CFTR: variants seen among roughly 807,000 people sequenced by gnomAD.
The protein encoded by CFTR is CF transmembrane conductance regulator.
Under a neutral mutation model 171.6 loss-of-function variants are expected in CFTR, and 181 were observed. The observed-to-expected ratio is 1.05, with a 90% CI of 0.93 to 1.19. The LOEUF (loss-of-function observed/expected upper bound fraction) is 1.19. Ranked by LOEUF, CFTR falls within the 50% of genes most tolerant of loss-of-function variation. The probability of loss-of-function intolerance (pLI) is 0.00; values close to 1 mark genes in which losing one functional copy is unlikely to be tolerated. For synonymous variants in CFTR, 583 were observed against 608.0 expected (o/e 0.96, Z 0.60); for missense variants, 1,968 against 1,734.7 (o/e 1.13, Z -2.39).
At chr7:117,614,516 T>G in intron 20 of CFTR, 97 bp from the exon 21 acceptor site, 1 of 808,168 alleles carries the variant, frequency 1.2e-6, no homozygotes, top group Non-Finnish European at 2.2e-6. Flanking sequence ...GAAATGTAAA[T>G]TTAATGTGAT....
chr7:117,516,509 A>G (rs1311131474), intron 3 of CFTR, among the ~76,000 whole-genome samples: 1 of 152,172 alleles, frequency 6.6e-6, no homozygotes, highest in Non-Finnish European at 1.5e-5. Flanking sequence ...GTCATGTTGA[A>G]CTGATAACAA....
chr7:117,531,044 C>G lies in CFTR; in HGVS notation c.419C>G (p.Pro140Arg), dbSNP rs397508694. The stretch of plus-strand genomic sequence containing the variant: ...ATTGTGAGGACACTGCTCCTACACC[C>G]AGCCATTTTTGGCCTTCATCACATT... ...LFIVRTLLLHPAIFGLHHIGM... is the reference protein window; with the variant it reads ...LFIVRTLLLHRAIFGLHHIGM... Residue 140 changes from proline to arginine, a missense_variant, in exon 4 of 27, where the codon CCA becomes CGA. Transcript: ENST00000003084. 1.9e-6 allele frequency: 3 copies of G among 1,613,756 alleles called. No homozygotes were observed. The highest frequency in any genetic ancestry group is 2.5e-6 in the Non-Finnish European group (3 of 1,179,866).
chr7:117,503,644 A>G (rs1400086242), intron 1 of CFTR, among the ~76,000 whole-genome samples: 1 of 152,226 alleles, frequency 6.6e-6, no homozygotes, highest in Admixed American at 6.5e-5. Flanking sequence ...TGTAGCTGCT[A>G]TGGAGTGAGG....
intron 21 of CFTR, among the ~76,000 whole-genome samples, chr7:117,624,267 T>C (rs1792620021): frequency 6.6e-6 from 1 of 152,108 alleles, no homozygotes; most frequent in Admixed American, 6.6e-5. Context: ...TTGCCCTACA[T>C]CATCTTTTGT....
chr7:117,583,515 T>C (rs1425549492), intron 11 of CFTR, among the ~76,000 whole-genome samples: 2 of 152,208 alleles, frequency 1.3e-5, no homozygotes, highest in Non-Finnish European at 2.9e-5. Context: ...CATTCCGTTT[T>C]TTGGCTGAAT....
Position 117,540,113 on chromosome 7 carries a change from C to A in CFTR, c.883C>A (p.Leu295Met). ...IENLRQTELK[L>M]TRKAAYVRYF... ...TGTTTTTTATAGAACAGAACTGAAACTGACTCGGAAGGCAGCCTATGTGAG... is the reference window on the plus strand; with the variant it reads ...TGTTTTTTATAGAACAGAACTGAAAATGACTCGGAAGGCAGCCTATGTGAG... The change falls in exon 8 of 27, where the codon CTG becomes ATG. Residue 295 changes from leucine (L) to methionine (M), a missense_variant. By Grantham distance (15) the Leu-to-Met change is conservative. Coordinates refer to ENST00000003084, the MANE Select transcript of CFTR (RefSeq NM_000492.4). 1.9e-6 allele frequency: 3 copies of A among 1,612,866 alleles called. No individual in the cohort carries two copies. The highest frequency in any genetic ancestry group is 2.5e-6 in the Non-Finnish European group (3 of 1,178,950).
At position 117,480,091 on chromosome 7, in the gene CFTR, G is replaced by C. The variant is rs369326781; in HGVS notation, c.-4G>C. 1.6e-4 allele frequency: 253 copies of C among 1,613,808 alleles called. No homozygotes were observed. Among genetic ancestry groups the C allele is most frequent in the Non-Finnish European group, 2.0e-4 (239 of 1,179,948 alleles). ...CTAGCAGGGACCCCAGCGCCCGAGAGACCATGCAGAGGTCGCCTCTGGAAA... is the reference window on the plus strand; with the variant it reads ...CTAGCAGGGACCCCAGCGCCCGAGACACCATGCAGAGGTCGCCTCTGGAAA... On this transcript the variant is annotated 5_prime_UTR_variant, in exon 1 of 27. Coordinates refer to ENST00000003084, the MANE Select transcript of CFTR (RefSeq NM_000492.4).
At chr7:117,554,521 T>G (rs1195732197) in intron 10 of CFTR, among the ~76,000 whole-genome samples, 2 of 152,070 alleles carry the variant, frequency 1.3e-5, no homozygotes, top group African/African-American at 4.8e-5. Flanking sequence ...GTTAGTTGGA[T>G]GTACAAGTCT....
At chr7:117,554,744 A>G (rs117064741) in intron 10 of CFTR, among the ~76,000 whole-genome samples, 156 of 152,320 alleles carry the variant, frequency 1.0e-3, no homozygotes, top group Non-Finnish European at 1.6e-3. Context: ...AACCCAACTG[A>G]TGTCAAGCAG....
chr7:117,603,449 T>C, intron 16 of CFTR, 83 bp from the exon 17 acceptor site: 1 of 1,497,294 alleles, frequency 6.7e-7, no homozygotes, highest in Non-Finnish European at 9.3e-7. Context: ...TTATTTAGAC[T>C]CAAGTTTAGT....
intron 1 of CFTR, among the ~76,000 whole-genome samples, chr7:117,482,472 C>CAT (rs950175081): frequency 6.6e-5 from 10 of 151,378 alleles, no homozygotes; most frequent in South Asian, 2.1e-4. Context: ...TATCATAATC[C>CAT]ATATATATAT....
rs192978922 is a variant in CFTR, at chr7:117,503,005, G to A, written c.54-1248G>A. On this transcript the variant is annotated intron_variant, in intron 1 of 26. Coordinates refer to ENST00000003084, the MANE Select transcript of CFTR (RefSeq NM_000492.4). Reference sequence around the variant, plus strand: ...CCTACTGAAGAAGTTCCAGACCAAGGAAGTATAAAGAAGGACCTGGGTGGG... The same window carrying A: ...CCTACTGAAGAAGTTCCAGACCAAGAAAGTATAAAGAAGGACCTGGGTGGG... Among the ~76,000 whole-genome samples, 338 of 152,272 alleles carry A rather than the reference G, an allele frequency of 2.2e-3. 5 individuals carry two copies. Among genetic ancestry groups the A allele is most frequent in the African/African-American group, 7.6e-3 (316 of 41,562 alleles).
intron 21 of CFTR, among the ~76,000 whole-genome samples, chr7:117,621,278 C>T (rs573035439): frequency 6.6e-6 from 1 of 152,172 alleles, no homozygotes; most frequent in Admixed American, 6.5e-5. Context: ...GAACTACATG[C>T]TAAGACTCAT....
At chr7:117,535,500 GA>G in intron 6 of CFTR, 89 bp downstream of exon 6, 2 of 962,108 alleles carry the variant, frequency 2.1e-6, no homozygotes, top group Non-Finnish European at 3.3e-6. Context: ...TCTATGCATA[GA>G]ACAGTGATCT....
chr7:117,539,277 C>T (rs574886183), intron 7 of CFTR, among the ~76,000 whole-genome samples: 1 of 152,264 alleles, frequency 6.6e-6, no homozygotes, highest in South Asian at 2.1e-4. Context: ...AAATAATTTC[C>T]ATTTGCATTT....
intron 11 of CFTR, 126 bp from the exon 12 acceptor site, chr7:117,587,613 T>C: frequency 1.6e-6 from 1 of 631,830 alleles, no homozygotes; most frequent in Admixed American, 2.5e-5. Flanking sequence ...AGATGCAATG[T>C]TCAAAATTTC....
At chr7:117,534,737 T>C (rs550648304) in intron 5 of CFTR, among the ~76,000 whole-genome samples, 3 of 152,356 alleles carry the variant, frequency 2.0e-5, no homozygotes, top group Non-Finnish European at 4.4e-5. Flanking sequence ...GGACAGATAA[T>C]GTGTTTTATT....
chr7:117,558,850 G>T (rs971066511), intron 10 of CFTR, among the ~76,000 whole-genome samples: 4 of 151,964 alleles, frequency 2.6e-5, no homozygotes, highest in African/African-American at 9.7e-5. Context: ...TTATTGTCAG[G>T]ACATATAACA....
At chr7:117,533,722 T>A (rs1382398675) in intron 4 of CFTR, among the ~76,000 whole-genome samples, 2 of 152,298 alleles carry the variant, frequency 1.3e-5, no homozygotes, top group Admixed American at 1.3e-4. Flanking sequence ...AATAAGTAGA[T>A]AAAAAATAAT....
Sources: gnomAD v4.1 joint callset for allele counts (sites outside exome capture counted in the v4.1 genomes callset) on GRCh38, gnomAD v4.1.1 for gene constraint, MANE v1.5 for transcripts, NCBI Gene and HGNC (gene_info 2026-07-23, HGNC 2026-07-21) for gene names.